Variants in DDX21 observed in about 807,000 individuals in gnomAD.
The protein encoded by DDX21 is nucleolar RNA helicase 2.
Under a neutral mutation model 90.0 loss-of-function variants are expected in DDX21, and 18 were observed. The observed-to-expected ratio is 0.20, with a 90% confidence interval of 0.14 to 0.30. DDX21 has a LOEUF of 0.30. Among genes scored for constraint, DDX21 ranks in the 10% least tolerant of loss-of-function variants. The pLI, the probability that DDX21 is intolerant of heterozygous loss-of-function variation, is 1.00. For synonymous variants in DDX21, 294 were observed against 318.0 expected (o/e 0.92, Z 0.80); for missense variants, 673 against 944.5 (o/e 0.71, Z 3.77).
rs1329945021 is a variant in DDX21 at position 68,961,899 on chromosome 10, C to T, written c.532-183C>T. Reference sequence around the variant, plus strand: ...TTGTTAAAGTTTTATAGATTTATGACAATGTTTCCTTTTCAGATCTCGAGT... The same window carrying T: ...TTGTTAAAGTTTTATAGATTTATGATAATGTTTCCTTTTCAGATCTCGAGT... On this transcript the variant is annotated intron_variant, in intron 2 of 14. Transcript: ENST00000354185. 3.9e-5 allele frequency among the ~76,000 whole-genome samples: 6 copies of T among 152,122 alleles called. No homozygotes were observed. In the South Asian group the frequency reaches 8.3e-4, roughly 21 times the overall value.
At chr10:68,976,541 C>T (rs1843104408) in intron 11 of DDX21, among the ~76,000 whole-genome samples, 1 of 152,180 alleles carries the variant, frequency 6.6e-6, no homozygotes, top group African/African-American at 2.4e-5. Flanking sequence ...CCCGCCTTGG[C>T]CTCCCAAAGT....
chr10:68,959,338 AC>A (rs2132078241), intron 1 of DDX21, among the ~76,000 whole-genome samples: 1 of 152,234 alleles, frequency 6.6e-6, no homozygotes, highest in Non-Finnish European at 1.5e-5. Flanking sequence ...TACTAAAAAT[AC>A]AAAAATTCGC....
intron 6 of DDX21, 121 bp downstream of exon 6, chr10:68,967,324 C>G (rs1349565475): frequency 6.5e-6 from 6 of 929,738 alleles, no homozygotes; most frequent in Non-Finnish European, 9.5e-6. Context: ...CAGGCACCCA[C>G]CACCACGCCT....
intron 13 of DDX21, among the ~76,000 whole-genome samples, chr10:68,980,384 A>G (rs2132096437): frequency 6.6e-6 from 1 of 152,240 alleles, no homozygotes; most frequent in East Asian, 1.9e-4. Flanking sequence ...ATGCAGGTAA[A>G]CTTTTACCTT....
intron 1 of DDX21, 47 bp from the exon 2 acceptor site, chr10:68,959,758 AT>A (rs1272241438): frequency 7.6e-7 from 1 of 1,323,398 alleles, no homozygotes; most frequent in African/African-American, 1.5e-5. Context: ...TTGCAAATGT[AT>A]AAATGCCTTA....
chr10:68,977,143 T>C (rs1380523611), intron 11 of DDX21, among the ~76,000 whole-genome samples: 1 of 152,158 alleles, frequency 6.6e-6, no homozygotes, highest in African/African-American at 2.4e-5. Flanking sequence ...GCTTCTTGTA[T>C]AAAAACTCTT....
chr10:68,963,237 T>C (rs1842895971), intron 3 of DDX21, 54 bp from the exon 4 acceptor site: 1 of 1,525,344 alleles, frequency 6.6e-7, no homozygotes, highest in Non-Finnish European at 8.9e-7. Context: ...TATGTCAGTA[T>C]GGCTAATGTT....
chr10:68,968,212 C>A (rs911115692), intron 6 of DDX21, among the ~76,000 whole-genome samples: 1 of 151,908 alleles, frequency 6.6e-6, no homozygotes, highest in Non-Finnish European at 1.5e-5. Context: ...CCCTGTCACT[C>A]AGGCTATAGT....
At chr10:68,969,479 C>G (rs1303659233) in intron 7 of DDX21, among the ~76,000 whole-genome samples, 3 of 152,136 alleles carry the variant, frequency 2.0e-5, no homozygotes, top group Non-Finnish European at 4.4e-5. Flanking sequence ...AGGGTTTCAC[C>G]ATGTTGGCCA....
chr10:68,978,122 A>G (rs995774239), intron 12 of DDX21, among the ~76,000 whole-genome samples: 5 of 152,094 alleles, frequency 3.3e-5, no homozygotes, highest in African/African-American at 9.7e-5. Context: ...TCTGTCTCAG[A>G]AAAGAAAAGA....
At position 68,960,148 on chromosome 10, in the gene DDX21, A is replaced by G. The variant is rs143526452; in HGVS notation, c.430A>G (p.Arg144Gly). 92 of 1,614,210 alleles carry G rather than the reference A, an allele frequency of 5.7e-5. No homozygotes were observed. In the African/African-American group the frequency reaches 1.1e-3, roughly 19 times the overall value. ...AGAAAAGGAAATGAATGGAGAAACT[A>G]GAGAGAAAAGCCCCAAACTGAAGAA... ...KKEKEMNGET[R>G]EKSPKLKNGF... Residue 144 changes from arginine (R) to glycine (G), a missense_variant, in exon 2 of 15, where the codon AGA becomes GGA. Physicochemically the swap from Arg to Gly is moderately radical, Grantham distance 125. Coordinates refer to ENST00000354185, the MANE Select transcript of DDX21 (RefSeq NM_004728.4).
chr10:68,974,095 G>C (rs1843062016), intron 10 of DDX21, among the ~76,000 whole-genome samples: 1 of 152,182 alleles, frequency 6.6e-6, no homozygotes, highest in South Asian at 2.1e-4. Context: ...TGCACTTAGG[G>C]ACTTGCTTTC....
Position 68,983,580 on chromosome 10 carries a change from G to A in DDX21, c.*768G>A, listed in dbSNP as rs1362705347. On this transcript the variant is annotated 3_prime_UTR_variant, in exon 15 of 15. Coordinates refer to ENST00000354185, the MANE Select transcript of DDX21 (RefSeq NM_004728.4). ...CCATAGCTTTATTTGTAAGTAGGCT[G>A]GATAAATGGTGCTTAAATGGTAATG... 2 of 151,710 alleles carry A rather than the reference G, an allele frequency of 1.3e-5. No homozygotes were observed. The highest frequency in any genetic ancestry group is 4.8e-5 in the African/African-American group (2 of 41,286). The allele number at this position is 151,710 out of a possible 1,614,324, so 9.4% of individuals were successfully genotyped here.
chr10:68,962,186 T>G, intron 3 of DDX21, 29 bp downstream of exon 3: 6 of 1,496,898 alleles, frequency 4.0e-6, no homozygotes, highest in Non-Finnish European at 4.6e-6. Flanking sequence ...TCGTATGATG[T>G]TAGAACGTAT....
In DDX21 at chr10:68,963,536, A is replaced by C. The variant is rs1002639245; in HGVS notation, c.786+67A>C. 5 of 1,427,172 alleles carry C rather than the reference A, an allele frequency of 3.5e-6. No individual in the cohort carries two copies. The East Asian group carries it at 9.3e-5, about 27-fold the overall frequency. 88.4% of individuals were successfully genotyped at this position (1,427,172 alleles called of 1,614,324 possible). A position where few individuals can be genotyped will look rare whatever the true frequency, so the allele number is the denominator to read the frequency against. On this transcript the variant is annotated intron_variant, in intron 4 of 14. Coordinates refer to ENST00000354185, the MANE Select transcript of DDX21 (RefSeq NM_004728.4). Reference sequence around the variant, plus strand: ...AAACCACCACTTGGGCATTGTGTACATACCCTACTATTTTTTATTGAGTTC... The same window carrying C: ...AAACCACCACTTGGGCATTGTGTACCTACCCTACTATTTTTTATTGAGTTC...
intron 13 of DDX21, 34 bp downstream of exon 13, chr10:68,979,010 G>A (rs890106191): frequency 9.3e-6 from 15 of 1,611,940 alleles, no homozygotes; most frequent in Admixed American, 3.3e-5. Flanking sequence ...ACCTTGATGG[G>A]GCTTTATGTG....
chr10:68,965,525 A>T, intron 5 of DDX21, 31 bp downstream of exon 5: 2 of 1,485,214 alleles, frequency 1.3e-6, no homozygotes, highest in Non-Finnish European at 1.9e-6. Flanking sequence ...AGGGAGGTAT[A>T]ATGCCACCCA....
chr10:68,956,681 C>G, intron 1 of DDX21: 2 of 1,073,952 alleles, frequency 1.9e-6, no homozygotes, highest in Non-Finnish European at 2.3e-6. Flanking sequence ...CAGTCAGGCT[C>G]CACGTTGTTG....
chr10:68,976,302 T>C (rs1301469424), intron 11 of DDX21, among the ~76,000 whole-genome samples: 3 of 151,722 alleles, frequency 2.0e-5, no homozygotes, highest in African/African-American at 4.8e-5. Context: ...TTTTTTTTTT[T>C]TTTGAGACAG....
Sources: allele counts gnomAD v4.1 joint callset (sites outside exome capture counted in the v4.1 genomes callset), GRCh38; gene constraint gnomAD v4.1.1; transcripts MANE v1.5; gene names NCBI Gene and HGNC (gene_info 2026-07-23, HGNC 2026-07-21).